WDR49: variants seen among roughly 807,000 people sequenced by gnomAD.
WDR49 encodes the protein cilia- and flagella-associated protein 337.
In WDR49, 107 loss-of-function variants were observed where a neutral mutation model predicts 119.5. The ratio of observed to expected loss-of-function variants is 0.90; its 90% CI spans 0.77 to 1.05. The LOEUF is 1.05. Among genes scored for constraint, WDR49 ranks in the 50% least tolerant of loss-of-function variants. The pLI, the probability that WDR49 is intolerant of heterozygous loss-of-function variation, is 0.00. For synonymous variants in WDR49, 425 were observed against 418.8 expected (o/e 1.01, Z -0.18); for missense variants, 1,240 against 1,220.5 (o/e 1.02, Z -0.24).
chr3:167,627,038 C>A lies in WDR49; in HGVS notation c.420G>T (p.Lys140Asn). Residue 140 changes from lysine (K) to asparagine (N), a missense_variant, in exon 3 of 19, where the codon AAG (lysine) becomes AAT (asparagine). By Grantham distance (94) the Lys-to-Asn change is moderately conservative. Transcript: ENST00000682715. ...KDLEFLPVKH[K>N]DTIQKVIFLK... ...AGAAAATTACTTTTTGAATGGTGTC[C>A]TTGTGTTTTACTGGGAGGAATTCAA... 7.6e-7 allele frequency: 1 copy of A among 1,322,300 alleles called. No individual in the cohort carries two copies. Among genetic ancestry groups the A allele is most frequent in the South Asian group, 2.5e-5 (1 of 40,298 alleles). 81.9% of individuals were successfully genotyped at this position (1,322,300 alleles called of 1,614,324 possible).
At chr3:167,489,751 C>A (rs1488511495) in intron 18 of WDR49, among the ~76,000 whole-genome samples, 1 of 152,092 alleles carries the variant, frequency 6.6e-6, no homozygotes, top group Non-Finnish European at 1.5e-5. Context: ...CACAAAGATA[C>A]CCTGGCAACA....
At chr3:167,626,060 T>C (rs751094240) in intron 3 of WDR49, among the ~76,000 whole-genome samples, 39 of 152,166 alleles carry the variant, frequency 2.6e-4, no homozygotes, top group Middle Eastern at 3.4e-3. Context: ...AATATGTACA[T>C]GACTGGATAT....
intron 2 of WDR49, among the ~76,000 whole-genome samples, chr3:167,641,863 T>C (rs567331821): frequency 6.6e-6 from 1 of 151,848 alleles, no homozygotes; most frequent in South Asian, 2.1e-4. Context: ...TAGAGATACA[T>C]TGTTAATCAA....
chr3:167,545,903 A>ATAGT (rs138035410), intron 10 of WDR49, among the ~76,000 whole-genome samples: 42,215 of 150,716 alleles, frequency 0.28, 6,024 homozygotes, highest in South Asian at 0.31. Context: ...TGTAATATTA[A>ATAGT]TATATTATTT....
In WDR49 at chr3:167,478,947, C is replaced by T. The variant is rs1320411192; in HGVS notation, c.3081G>A (p.Leu1027=). 1 of 1,609,046 alleles carries T rather than the reference C, an allele frequency of 6.2e-7. No individual in the cohort carries two copies. Residue 1027 remains leucine (L), a synonymous_variant, in exon 19 of 19, where the codon CTG becomes CTA. Coordinates refer to ENST00000682715, the MANE Select transcript of WDR49 (RefSeq NM_001366157.1). Reference sequence around the variant, plus strand: ...ATTGCTTGGCTTTTCGTTCATGATGCAGAATTTCCTTGGGAAACAGGTTTT... The same window carrying T: ...ATTGCTTGGCTTTTCGTTCATGATGTAGAATTTCCTTGGGAAACAGGTTTT... ...DEKNLFPKEI[L]HHERKAKQLC...
chr3:167,602,842 A>G (rs1715848271), intron 6 of WDR49, among the ~76,000 whole-genome samples: 1 of 152,156 alleles, frequency 6.6e-6, no homozygotes, highest in African/African-American at 2.4e-5. Context: ...TGTACCTTTT[A>G]TATGTTTAGA....
intron 8 of WDR49, among the ~76,000 whole-genome samples, chr3:167,574,391 T>C (rs1714124190): frequency 6.6e-6 from 1 of 152,222 alleles, no homozygotes; most frequent in South Asian, 2.1e-4. Flanking sequence ...ATTTTTATAA[T>C]TATAAATGTA....
chr3:167,491,538 G>A (rs943868575), intron 18 of WDR49, among the ~76,000 whole-genome samples: 1 of 151,974 alleles, frequency 6.6e-6, no homozygotes, highest in African/African-American at 2.4e-5. Flanking sequence ...AACTTTCTCC[G>A]TATTGCAGTA....
intron 18 of WDR49, among the ~76,000 whole-genome samples, chr3:167,480,638 T>C (rs1750682322): frequency 6.6e-6 from 1 of 152,172 alleles, no homozygotes; most frequent in Non-Finnish European, 1.5e-5. Context: ...GCAAATAAAT[T>C]CTACTTTAAG....
chr3:167,554,257 G>A (rs539221834), intron 10 of WDR49, among the ~76,000 whole-genome samples: 4 of 152,094 alleles, frequency 2.6e-5, no homozygotes, highest in African/African-American at 4.8e-5. Context: ...GGACTCAGTT[G>A]GCTATTTCCC....
chr3:167,640,969 A>T (rs1717855123), intron 2 of WDR49, among the ~76,000 whole-genome samples: 2 of 151,828 alleles, frequency 1.3e-5, no homozygotes, highest in Non-Finnish European at 2.9e-5. Context: ...CTTCCCAAAA[A>T]CCTTCGGTTG....
At chr3:167,553,043 T>C (rs1461895769) in intron 10 of WDR49, among the ~76,000 whole-genome samples, 1 of 152,098 alleles carries the variant, frequency 6.6e-6, no homozygotes, top group Non-Finnish European at 1.5e-5. Flanking sequence ...TAACTATAAC[T>C]GAACAGTTTC....
intron 18 of WDR49, 121 bp from the exon 19 acceptor site, chr3:167,479,117 CAG>C (rs1750596419): frequency 1.3e-6 from 1 of 758,408 alleles, no homozygotes; most frequent in Non-Finnish European, 2.1e-6. Flanking sequence ...TTCTAAAACA[CAG>C]AGTGTATTTG....
At chr3:167,528,304 A>C (rs1752708737) in intron 14 of WDR49, among the ~76,000 whole-genome samples, 2 of 152,128 alleles carry the variant, frequency 1.3e-5, no homozygotes, top group South Asian at 4.1e-4. Flanking sequence ...GATGAACTTT[A>C]CCACATACAG....
At chr3:167,629,696 G>C (rs979891746) in intron 2 of WDR49, among the ~76,000 whole-genome samples, 1 of 152,110 alleles carries the variant, frequency 6.6e-6, no homozygotes. Flanking sequence ...TAATTCATGG[G>C]AGGAAGTCAA....
chr3:167,625,537 A>G (rs567275652), intron 3 of WDR49, among the ~76,000 whole-genome samples: 1 of 152,068 alleles, frequency 6.6e-6, no homozygotes, highest in African/African-American at 2.4e-5. Flanking sequence ...TGAAAAATTA[A>G]TGGGTTTATT....
At chr3:167,593,416 A>G (rs1332514633) in intron 7 of WDR49, among the ~76,000 whole-genome samples, 1 of 151,868 alleles carries the variant, frequency 6.6e-6, no homozygotes, top group African/African-American at 2.4e-5. Flanking sequence ...CAGTTTGTCA[A>G]TTCCATTTTT....
At chr3:167,608,443 G>A (rs993730172) in intron 5 of WDR49, among the ~76,000 whole-genome samples, 2 of 152,126 alleles carry the variant, frequency 1.3e-5, no homozygotes, top group Admixed American at 6.5e-5. Flanking sequence ...TCTGGCATCC[G>A]AAGTATTGCT....
chr3:167,557,121 T>C (rs961854573), intron 9 of WDR49, among the ~76,000 whole-genome samples: 2 of 152,022 alleles, frequency 1.3e-5, no homozygotes, highest in African/African-American at 4.8e-5. Context: ...CACTTGAACC[T>C]GAGAGGCAGC....
Sources: allele counts gnomAD v4.1 joint callset (sites outside exome capture counted in the v4.1 genomes callset), GRCh38; gene constraint gnomAD v4.1.1; transcripts MANE v1.5; gene names NCBI Gene and HGNC (gene_info 2026-07-23, HGNC 2026-07-21).